CELF4: variants seen among roughly 807,000 people sequenced by gnomAD.
The protein encoded by CELF4 is CUGBP Elav-like family member 4, also known as CUG-BP- and ETR-3-like factor 4.
In CELF4, 18 loss-of-function variants were observed where a neutral mutation model predicts 59.9. That is an observed-to-expected ratio of 0.30 (90% CI 0.21 to 0.45). The LOEUF is 0.45. CELF4 is among the 20% of genes least tolerant of loss of function. The probability of loss-of-function intolerance (pLI) is 1.00; values close to 1 mark genes in which losing one functional copy is unlikely to be tolerated. For synonymous variants in CELF4, 261 were observed against 267.1 expected (o/e 0.98, Z 0.22); for missense variants, 456 against 689.0 (o/e 0.66, Z 3.79).
intron 3 of CELF4, among the ~76,000 whole-genome samples, chr18:37,317,119 G>A (rs1487225483): frequency 2.0e-5 from 3 of 152,186 alleles, no homozygotes; most frequent in Non-Finnish European, 4.4e-5. Context: ...GGGCGCGGTG[G>A]CTTATGCCTA....
At chr18:37,264,522 T>TCA (rs1373593153) in intron 10 of CELF4, 152 bp downstream of exon 10, 6 of 661,986 alleles carry the variant, frequency 9.1e-6, no homozygotes, top group East Asian at 8.2e-5. Context: ...GCGCCACTCC[T>TCA]CACAGCACTG....
intron 1 of CELF4, among the ~76,000 whole-genome samples, chr18:37,550,516 C>T (rs1230537417): frequency 1.3e-5 from 2 of 152,224 alleles, no homozygotes; most frequent in African/African-American, 4.8e-5. Flanking sequence ...AGTTGGTGCT[C>T]TTAAGGAGGG....
intron 1 of CELF4, among the ~76,000 whole-genome samples, chr18:37,547,324 C>T (rs1199980616): frequency 6.6e-6 from 1 of 152,128 alleles, no homozygotes; most frequent in Non-Finnish European, 1.5e-5. Flanking sequence ...TTCTTTCTCA[C>T]TCAGCCACAG....
At chr18:37,369,201 A>C (rs1330383433) in intron 2 of CELF4, among the ~76,000 whole-genome samples, 1 of 152,036 alleles carries the variant, frequency 6.6e-6, no homozygotes, top group Non-Finnish European at 1.5e-5. Flanking sequence ...CAACACCCGA[A>C]CATGTAAACC....
intron 2 of CELF4, among the ~76,000 whole-genome samples, chr18:37,388,277 G>A (rs2154573508): frequency 6.6e-6 from 1 of 152,170 alleles, no homozygotes; most frequent in African/African-American, 2.4e-5. Context: ...GTGAAGAGAT[G>A]GGGTAGGGAA....
intron 2 of CELF4, among the ~76,000 whole-genome samples, chr18:37,403,562 G>T (rs892454019): frequency 6.6e-6 from 1 of 152,164 alleles, no homozygotes; most frequent in Non-Finnish European, 1.5e-5. Flanking sequence ...TGGCGAGGGG[G>T]TGGTGGGTGT....
chr18:37,411,344 G>T (rs1311306793), intron 2 of CELF4, among the ~76,000 whole-genome samples: 1 of 152,166 alleles, frequency 6.6e-6, no homozygotes, highest in Non-Finnish European at 1.5e-5. Flanking sequence ...CCAATGTGTG[G>T]GAGACGTGTG....
chr18:37,360,676 G>A (rs1030363154), intron 2 of CELF4, among the ~76,000 whole-genome samples: 2 of 152,218 alleles, frequency 1.3e-5, no homozygotes, highest in African/African-American at 4.8e-5. Context: ...CATGCCTGCA[G>A]GCTTCTTCTG....
intron 1 of CELF4, among the ~76,000 whole-genome samples, chr18:37,527,117 G>T (rs1395844298): frequency 6.6e-6 from 1 of 151,944 alleles, no homozygotes; most frequent in Non-Finnish European, 1.5e-5. Context: ...CATCCCCTTT[G>T]CAAGAATATA....
At position 37,471,248 on chromosome 18, in the gene CELF4, G is replaced by C. The variant is rs538759550; in HGVS notation, c.369+14277C>G. ...AGGCTCTCCACTGGCCTCAGCTCCTGTTCCTGATGTCACTTCCTCACCTCA... is the reference window on the plus strand; with the variant it reads ...AGGCTCTCCACTGGCCTCAGCTCCTCTTCCTGATGTCACTTCCTCACCTCA... On this transcript the variant is annotated intron_variant, in intron 2 of 12. Transcript: ENST00000420428. Among the ~76,000 whole-genome samples, 32 of 152,264 alleles carry C rather than the reference G, an allele frequency of 2.1e-4. No homozygotes were observed. The South Asian group carries it at 5.4e-3, about 26-fold the overall frequency.
intron 2 of CELF4, among the ~76,000 whole-genome samples, chr18:37,343,169 TC>T (rs1256618614): frequency 2.0e-5 from 3 of 152,220 alleles, no homozygotes; most frequent in Non-Finnish European, 2.9e-5. Flanking sequence ...AGCAGCAGTG[TC>T]TTCTACCCTT....
chr18:37,353,575 C>T (rs568910369), intron 2 of CELF4, among the ~76,000 whole-genome samples: 1 of 141,334 alleles, frequency 7.1e-6, no homozygotes, highest in Non-Finnish European at 1.5e-5. Flanking sequence ...GACCAGGAGC[C>T]GTTCAAGGGG....
chr18:37,309,137 C>G (rs2096554337), intron 3 of CELF4, among the ~76,000 whole-genome samples: 1 of 152,158 alleles, frequency 6.6e-6, no homozygotes, highest in Non-Finnish European at 1.5e-5. Context: ...GAGGCAGGAC[C>G]CATCCTCATC....
chr18:37,412,165 A>T (rs2099469378), intron 2 of CELF4, among the ~76,000 whole-genome samples: 1 of 152,254 alleles, frequency 6.6e-6, no homozygotes. Context: ...ACTGTGGCTT[A>T]GGAGCCGAAT....
intron 2 of CELF4, among the ~76,000 whole-genome samples, chr18:37,324,751 CCT>C (rs2097245466): frequency 6.6e-6 from 1 of 152,132 alleles, no homozygotes. Context: ...CCATAACACC[CCT>C]GAGAACAGGA....
chr18:37,373,298 C>T (rs1049444780), intron 2 of CELF4, among the ~76,000 whole-genome samples: 2 of 152,204 alleles, frequency 1.3e-5, no homozygotes, highest in African/African-American at 4.8e-5. Flanking sequence ...GTCTCACAGG[C>T]GCAGCCATGT....
At chr18:37,517,135 T>A (rs2099951585) in intron 1 of CELF4, among the ~76,000 whole-genome samples, 1 of 152,138 alleles carries the variant, frequency 6.6e-6, no homozygotes, top group Non-Finnish European at 1.5e-5. Context: ...AGGAATGCTG[T>A]GGGGTCAGTT....
chr18:37,529,666 A>T (rs2099967459), intron 1 of CELF4, among the ~76,000 whole-genome samples: 1 of 152,154 alleles, frequency 6.6e-6, no homozygotes, highest in Non-Finnish European at 1.5e-5. Context: ...AGACTTCTAG[A>T]CAAGCCAGGG....
rs959232754 is a variant in CELF4, at chr18:37,471,841, C to T, written c.369+13684G>A. Among the ~76,000 whole-genome samples, 5 of 152,332 alleles carry T rather than the reference C, an allele frequency of 3.3e-5. No homozygotes were observed. In the East Asian group the frequency reaches 9.7e-4, roughly 29 times the overall value. On this transcript the variant is annotated intron_variant, in intron 2 of 12. Coordinates refer to ENST00000420428, the MANE Select transcript of CELF4 (RefSeq NM_020180.4). ...TACTGAATTGAATTACAAACCTTCT[C>T]CCAGGCTCTGAGCCGTTCCAGCTGC... is the stretch of plus-strand genomic sequence containing the variant.
Sources: gnomAD v4.1 joint callset for allele counts (sites outside exome capture counted in the v4.1 genomes callset) on GRCh38, gnomAD v4.1.1 for gene constraint, MANE v1.5 for transcripts, NCBI Gene and HGNC (gene_info 2026-07-23, HGNC 2026-07-21) for gene names.